CDK5RAP2: variants seen among roughly 807,000 people sequenced by gnomAD.
The protein encoded by CDK5RAP2 is CDK5 regulatory subunit associated protein 2.
CDK5RAP2 carries 147 observed loss-of-function variants against 232.9 expected under a neutral mutation model. The observed-to-expected ratio is 0.63, with a 90% CI of 0.55 to 0.72. CDK5RAP2 has a LOEUF of 0.72. CDK5RAP2 is among the 30% of genes least tolerant of loss of function. CDK5RAP2 has a pLI of 0.00. For missense variants in CDK5RAP2, 2,195 were observed against 2,231.5 expected, an observed-to-expected ratio of 0.98 and a Z score of 0.33; for synonymous variants, 833 against 833.7, an observed-to-expected ratio of 1.00 and a Z score of 0.01.
chr9:120,442,169 T>C (rs1364772516), intron 23 of CDK5RAP2, among the ~76,000 whole-genome samples: 2 of 152,212 alleles, frequency 1.3e-5, no homozygotes, highest in African/African-American at 4.8e-5. Context: ...GAAGAGGAAG[T>C]TGAGGCTTAG....
intron 25 of CDK5RAP2, among the ~76,000 whole-genome samples, chr9:120,429,397 C>G (rs1392640257): frequency 6.6e-6 from 1 of 152,130 alleles, no homozygotes; most frequent in African/African-American, 2.4e-5. Flanking sequence ...AGCTGATAAG[C>G]AACTTCAGCA....
chr9:120,541,210 T>C (rs1451252080), intron 5 of CDK5RAP2, among the ~76,000 whole-genome samples: 3 of 152,156 alleles, frequency 2.0e-5, no homozygotes, highest in African/African-American at 7.2e-5. Context: ...TCTGCTACCC[T>C]TTCCCTTACC....
intron 28 of CDK5RAP2, among the ~76,000 whole-genome samples, chr9:120,413,688 G>C (rs941667471): frequency 6.6e-6 from 1 of 152,214 alleles, no homozygotes; most frequent in Non-Finnish European, 1.5e-5. Context: ...GCATTACCAA[G>C]AGTGAATGTG....
chr9:120,405,095 G>C (rs1488571786), intron 32 of CDK5RAP2, among the ~76,000 whole-genome samples: 2 of 152,154 alleles, frequency 1.3e-5, no homozygotes, highest in Non-Finnish European at 2.9e-5. Flanking sequence ...CTGCACTCCA[G>C]CATTTCCCAG....
chr9:120,577,064 C>A (rs1361445861), intron 1 of CDK5RAP2, among the ~76,000 whole-genome samples: 1 of 152,018 alleles, frequency 6.6e-6, no homozygotes, highest in East Asian at 1.9e-4. Flanking sequence ...TTAGAGTAGT[C>A]AAAATCATAG....
chr9:120,425,428 G>T (rs1158443816), intron 25 of CDK5RAP2, among the ~76,000 whole-genome samples: 1 of 152,166 alleles, frequency 6.6e-6, no homozygotes, highest in Non-Finnish European at 1.5e-5. Context: ...TGAAAATGCT[G>T]CTCCCATCTC....
intron 3 of CDK5RAP2, among the ~76,000 whole-genome samples, chr9:120,563,707 T>C (rs2042543226): frequency 6.6e-6 from 1 of 152,198 alleles, no homozygotes; most frequent in Admixed American, 6.5e-5. Flanking sequence ...ATGTCGTATC[T>C]ACACACCATG....
intron 12 of CDK5RAP2, among the ~76,000 whole-genome samples, chr9:120,496,900 C>G (rs1286279994): frequency 1.4e-5 from 2 of 141,566 alleles, no homozygotes; most frequent in Non-Finnish European, 3.0e-5. Flanking sequence ...ACCACCCTGT[C>G]TGGGAGGTGT....
At chr9:120,525,156 C>T (rs922403022) in intron 10 of CDK5RAP2, 78 bp from the exon 11 acceptor site, 3 of 1,084,884 alleles carry the variant, frequency 2.8e-6, no homozygotes, top group Non-Finnish European at 4.2e-6. Context: ...TTTTCCTGCT[C>T]AATTGTGTCG....
chr9:120,475,144 A>G (rs1258383924), intron 15 of CDK5RAP2, among the ~76,000 whole-genome samples: 1 of 152,210 alleles, frequency 6.6e-6, no homozygotes, highest in Non-Finnish European at 1.5e-5. Context: ...GTAGGTAAGT[A>G]GGCAGACCAG....
intron 6 of CDK5RAP2, among the ~76,000 whole-genome samples, chr9:120,538,634 C>G (rs2041496618): frequency 6.6e-6 from 1 of 152,160 alleles, no homozygotes; most frequent in South Asian, 2.1e-4. Context: ...TTAGGTAAGT[C>G]ATTTCCCTTC....
In CDK5RAP2 at chr9:120,462,780, T is replaced by G. The variant is rs905653957; in HGVS notation, c.2107-2113A>C. On this transcript the variant is annotated intron_variant, in intron 18 of 37. Coordinates refer to ENST00000349780, the MANE Select transcript of CDK5RAP2 (RefSeq NM_018249.6). Reference sequence around the variant, plus strand: ...CAACAGAGGACATGCAGGCTCTTGATAGGGGTTTGCCTTACACAGGCACAT... The same window carrying G: ...CAACAGAGGACATGCAGGCTCTTGAGAGGGGTTTGCCTTACACAGGCACAT... Among the ~76,000 whole-genome samples the G allele has an allele frequency of 2.0e-5, 3 of 152,200 alleles. No homozygotes were observed. The East Asian group carries it at 5.8e-4, about 29-fold the overall frequency.
intron 22 of CDK5RAP2, among the ~76,000 whole-genome samples, chr9:120,445,394 T>A (rs936751102): frequency 1.3e-5 from 2 of 152,188 alleles, no homozygotes; most frequent in African/African-American, 4.8e-5. Flanking sequence ...TCGGTGACAA[T>A]GTGGCTCCTA....
At chr9:120,512,725 T>C (rs2040153275) in intron 12 of CDK5RAP2, among the ~76,000 whole-genome samples, 1 of 152,206 alleles carries the variant, frequency 6.6e-6, no homozygotes, top group Non-Finnish European at 1.5e-5. Context: ...CCATGTCACA[T>C]ATATATCACC....
At chr9:120,487,146 G>A in intron 14 of CDK5RAP2, 148 bp downstream of exon 14, 2 of 818,004 alleles carry the variant, frequency 2.4e-6, no homozygotes, top group Non-Finnish European at 4.2e-6. Flanking sequence ...AACGTGGTAG[G>A]CTAAGAACTC....
At chr9:120,533,268 G>T (rs1266396625) in intron 7 of CDK5RAP2, among the ~76,000 whole-genome samples, 1 of 152,024 alleles carries the variant, frequency 6.6e-6, no homozygotes, top group East Asian at 1.9e-4. Context: ...GCATTCCCAA[G>T]GCCACACTCA....
chr9:120,499,283 AG>A (rs1239955912), intron 12 of CDK5RAP2, among the ~76,000 whole-genome samples: 1 of 152,214 alleles, frequency 6.6e-6, no homozygotes, highest in Non-Finnish European at 1.5e-5. Flanking sequence ...ACACAAGATT[AG>A]CTCTCAGTTT....
chr9:120,409,775 G>A (rs2033729775), intron 29 of CDK5RAP2, among the ~76,000 whole-genome samples: 1 of 152,228 alleles, frequency 6.6e-6, no homozygotes, highest in Admixed American at 6.5e-5. Flanking sequence ...TACACCCAGA[G>A]GCACAAGAGA....
chr9:120,405,885 C>T (rs954869601), intron 32 of CDK5RAP2, among the ~76,000 whole-genome samples: 1 of 151,836 alleles, frequency 6.6e-6, no homozygotes, highest in African/African-American at 2.4e-5. Flanking sequence ...TAATATTGGG[C>T]AAAAACAAAG....
Sources: allele counts gnomAD v4.1 joint callset (sites outside exome capture counted in the v4.1 genomes callset), GRCh38; gene constraint gnomAD v4.1.1; transcripts MANE v1.5; gene names NCBI Gene and HGNC (gene_info 2026-07-23, HGNC 2026-07-21).